CTNNA3: variants seen among roughly 807,000 people sequenced by gnomAD.
CTNNA3 encodes catenin alpha-3.
A neutral mutation model predicts 95.7 loss-of-function variants in CTNNA3; 76 were observed. That is an observed-to-expected ratio of 0.79 (90% confidence interval 0.66 to 0.96). The LOEUF (loss-of-function observed/expected upper bound fraction) is 0.96. Among genes scored for constraint, CTNNA3 ranks in the 40% least tolerant of loss-of-function variants. The pLI is 0.00. For missense variants in CTNNA3, 1,191 were observed against 1,089.8 expected (o/e 1.09, Z -1.31); for synonymous variants, 431 against 374.4 (o/e 1.15, Z -1.74).
intron 7 of CTNNA3, among the ~76,000 whole-genome samples, chr10:66,830,757 C>G (rs1376395377): frequency 1.3e-5 from 2 of 152,044 alleles, no homozygotes; most frequent in Admixed American, 6.5e-5. Flanking sequence ...CTACAGGCGC[C>G]CGCCATCACG....
chr10:66,122,606 G>C (rs1415060793), intron 13 of CTNNA3, among the ~76,000 whole-genome samples: 2 of 152,108 alleles, frequency 1.3e-5, no homozygotes, highest in Non-Finnish European at 2.9e-5. Flanking sequence ...AAGAATGATA[G>C]GATACTTATA....
At chr10:66,674,758 C>A (rs773436887) in intron 9 of CTNNA3, among the ~76,000 whole-genome samples, 1 of 151,972 alleles carries the variant, frequency 6.6e-6, no homozygotes, top group Non-Finnish European at 1.5e-5. Context: ...GATTGCCCAT[C>A]CTAGTGGTTG....
intron 3 of CTNNA3, among the ~76,000 whole-genome samples, chr10:67,596,337 A>G (rs368694722): frequency 2.0e-5 from 3 of 152,238 alleles, no homozygotes; most frequent in South Asian, 2.1e-4. Flanking sequence ...AATTTTTACA[A>G]TCAGACCTTG....
At chr10:66,623,272 A>G (rs188224161) in intron 9 of CTNNA3, among the ~76,000 whole-genome samples, 22 of 152,284 alleles carry the variant, frequency 1.4e-4, no homozygotes, top group African/African-American at 5.3e-4. Context: ...AAATAAAAAT[A>G]AAAATAAAAA....
At chr10:66,875,600 GTAGT>G (rs1444888893) in intron 7 of CTNNA3, among the ~76,000 whole-genome samples, 1 of 151,858 alleles carries the variant, frequency 6.6e-6, no homozygotes, top group African/African-American at 2.4e-5. Context: ...CATATGGAAG[GTAGT>G]TATTCAATAA....
chr10:66,309,685 C>CAAAAAAGAAAAAAA (rs2091982457), intron 12 of CTNNA3, among the ~76,000 whole-genome samples: 1 of 41,770 alleles, frequency 2.4e-5, no homozygotes, highest in Non-Finnish European at 4.3e-5. Flanking sequence ...GACTCCGTCT[C>CAAAAAAGAAAAAAA]AAAAAAAAAA....
intron 1 of CTNNA3, among the ~76,000 whole-genome samples, chr10:67,701,637 G>A (rs1841040366): frequency 6.6e-6 from 1 of 152,162 alleles, no homozygotes; most frequent in Admixed American, 6.5e-5. Flanking sequence ...ACTAAACATG[G>A]AAAGGAAAAA....
chr10:66,642,993 A>G (rs538160939), intron 9 of CTNNA3, among the ~76,000 whole-genome samples: 1 of 152,276 alleles, frequency 6.6e-6, no homozygotes, highest in African/African-American at 2.4e-5. Flanking sequence ...TGAAAGGGAG[A>G]GAGCTAGATA....
chr10:66,175,227 C>G (rs1289794142), intron 13 of CTNNA3, among the ~76,000 whole-genome samples: 1 of 152,032 alleles, frequency 6.6e-6, no homozygotes, highest in Non-Finnish European at 1.5e-5. Context: ...GACAGGTTAA[C>G]TGACTTGCTC....
chr10:66,362,040 T>C (rs551066932), intron 12 of CTNNA3, among the ~76,000 whole-genome samples: 3 of 151,862 alleles, frequency 2.0e-5, no homozygotes, highest in Non-Finnish European at 4.4e-5. Flanking sequence ...AAGAAACCAC[T>C]GGTTTTGCTC....
intron 9 of CTNNA3, among the ~76,000 whole-genome samples, chr10:66,651,338 T>G (rs1022369572): frequency 6.6e-6 from 1 of 152,138 alleles, no homozygotes; most frequent in Non-Finnish European, 1.5e-5. Flanking sequence ...GCATATACAA[T>G]CCTCCAGCTA....
chr10:66,709,261 CT>C (rs1848216106), intron 9 of CTNNA3, among the ~76,000 whole-genome samples: 1 of 152,112 alleles, frequency 6.6e-6, no homozygotes, highest in Admixed American at 6.6e-5. Flanking sequence ...ACGGAATTTC[CT>C]GTGCTTGGAT....
chr10:66,270,211 C>T (rs1276879318), intron 13 of CTNNA3, among the ~76,000 whole-genome samples: 1 of 134,824 alleles, frequency 7.4e-6, no homozygotes, highest in Non-Finnish European at 1.5e-5. Flanking sequence ...ATGCAGAACA[C>T]TATAACATTT....
intron 15 of CTNNA3, among the ~76,000 whole-genome samples, chr10:66,042,515 G>T (rs1438277824): frequency 6.6e-6 from 1 of 152,080 alleles, no homozygotes; most frequent in Admixed American, 6.6e-5. Flanking sequence ...AGGTTAAAAT[G>T]AAGGGAAAGG....
chr10:67,271,646 A>G (rs1173642203), intron 5 of CTNNA3, among the ~76,000 whole-genome samples: 2 of 152,176 alleles, frequency 1.3e-5, no homozygotes, highest in African/African-American at 2.4e-5. Context: ...AATTGTCCTT[A>G]ATCTGAACTC....
At chr10:67,387,545 G>C (rs1844240252) in intron 5 of CTNNA3, among the ~76,000 whole-genome samples, 1 of 152,200 alleles carries the variant, frequency 6.6e-6, no homozygotes, top group African/African-American at 2.4e-5. Context: ...GCTCGAACTG[G>C]GTGGAGCCCA....
chr10:66,511,706 A>G (rs1171037839), intron 11 of CTNNA3, among the ~76,000 whole-genome samples: 1 of 151,820 alleles, frequency 6.6e-6, no homozygotes, highest in African/African-American at 2.4e-5. Flanking sequence ...TCTAATTATA[A>G]TCCACTGAAA....
chr10:66,095,211 G>GGA (rs1302804198), intron 14 of CTNNA3, among the ~76,000 whole-genome samples: 4 of 151,954 alleles, frequency 2.6e-5, no homozygotes, highest in African/African-American at 9.7e-5. Context: ...AAGAGCTGGA[G>GGA]GACTATAGGG....
chr10:67,563,241 A>G (rs1841606956), intron 3 of CTNNA3, among the ~76,000 whole-genome samples: 1 of 152,206 alleles, frequency 6.6e-6, no homozygotes, highest in Non-Finnish European at 1.5e-5. Flanking sequence ...TTCAAACTAT[A>G]CTACAAGGCT....
Sources: allele counts gnomAD v4.1 joint callset (sites outside exome capture counted in the v4.1 genomes callset), GRCh38; gene constraint gnomAD v4.1.1; transcripts MANE v1.5; gene names NCBI Gene and HGNC (gene_info 2026-07-23, HGNC 2026-07-21).